The following PDE1A variants were observed in gnomAD, a reference collection of about 807,000 sequenced individuals.
The protein encoded by PDE1A is phosphodiesterase 1A.
In PDE1A, 35 loss-of-function variants were observed where a neutral mutation model predicts 61.7. The observed-to-expected ratio is 0.57, with a 90% CI of 0.43 to 0.75. The LOEUF (loss-of-function observed/expected upper bound fraction) is 0.75. Ranked by LOEUF, PDE1A falls within the 30% of genes least tolerant of loss-of-function variation. The pLI is 0.00. For missense variants in PDE1A, 597 were observed against 630.6 expected, an observed-to-expected ratio of 0.95 and a Z score of 0.57; for synonymous variants, 232 against 213.2, an observed-to-expected ratio of 1.09 and a Z score of -0.77.
intron 1 of PDE1A, among the ~76,000 whole-genome samples, chr2:182,300,315 C>T (rs1482548193): frequency 2.0e-5 from 3 of 152,142 alleles, no homozygotes; most frequent in African/African-American, 7.2e-5. Flanking sequence ...GTTTTTCATA[C>T]CTATGGCTTC....
intron 1 of PDE1A, among the ~76,000 whole-genome samples, chr2:182,287,081 A>G (rs763100183): frequency 1.3e-5 from 2 of 151,892 alleles, no homozygotes; most frequent in Non-Finnish European, 1.5e-5. Context: ...TCTCATTCCA[A>G]TCTCTTCATC....
intron 12 of PDE1A, 46 bp downstream of exon 12, chr2:182,186,422 A>G (rs1685211464): frequency 6.3e-7 from 1 of 1,591,452 alleles, no homozygotes. Context: ...AAGTGTTACT[A>G]AACACCACAA....
chr2:182,604,630 C>T, the PDE1A span, among the ~76,000 whole-genome samples: 17 of 152,232 alleles, frequency 1.1e-4, no homozygotes, highest in South Asian at 2.9e-3. Flanking sequence ...ATAGTCTATA[C>T]GTATTTTATT....
At chr2:182,304,673 G>A (rs147417805) in intron 1 of PDE1A, among the ~76,000 whole-genome samples, 1 of 152,296 alleles carries the variant, frequency 6.6e-6, no homozygotes, top group African/African-American at 2.4e-5. Flanking sequence ...GAAGGCCAAA[G>A]AGAGGGAGAA....
intron 1 of PDE1A, among the ~76,000 whole-genome samples, chr2:182,336,918 A>G (rs1029690451): frequency 6.6e-5 from 10 of 151,238 alleles, no homozygotes; most frequent in Non-Finnish European, 1.5e-4. Flanking sequence ...CATGGCACAC[A>G]TAGACCTAAG....
chr2:182,194,239 A>G (rs1323399444), intron 10 of PDE1A, among the ~76,000 whole-genome samples: 1 of 152,184 alleles, frequency 6.6e-6, no homozygotes, highest in African/African-American at 2.4e-5. Flanking sequence ...TTTAAAATAC[A>G]AACACATTTT....
chr2:182,289,332 A>C (rs1305853824), intron 1 of PDE1A, among the ~76,000 whole-genome samples: 1 of 152,114 alleles, frequency 6.6e-6, no homozygotes, highest in Admixed American at 6.6e-5. Context: ...GATTTCAGGT[A>C]ACATAGCAGA....
chr2:182,309,001 G>T (rs1403112930), intron 1 of PDE1A, among the ~76,000 whole-genome samples: 4 of 149,994 alleles, frequency 2.7e-5, no homozygotes, highest in Admixed American at 6.7e-5. Context: ...TATTAGTAAG[G>T]TTATGAAATA....
chr2:182,271,836 C>T (rs2125819145), intron 1 of PDE1A, among the ~76,000 whole-genome samples: 1 of 152,180 alleles, frequency 6.6e-6, no homozygotes, highest in South Asian at 2.1e-4. Context: ...ACCACTGAAA[C>T]ATTAATATGA....
At chr2:182,637,078 G>C in the PDE1A span, among the ~76,000 whole-genome samples, 2 of 152,202 alleles carry the variant, frequency 1.3e-5, no homozygotes, top group African/African-American at 4.8e-5. Context: ...AGGTCCAGCA[G>C]GACAACCCAG....
chr2:182,654,306 A>G, the PDE1A span, among the ~76,000 whole-genome samples: 2 of 152,208 alleles, frequency 1.3e-5, no homozygotes, highest in Admixed American at 1.3e-4. Flanking sequence ...CTTGGGTCAA[A>G]CAGGTTAATT....
chr2:182,184,423 G>T (rs1227675648), intron 13 of PDE1A, among the ~76,000 whole-genome samples: 1 of 151,892 alleles, frequency 6.6e-6, no homozygotes, highest in Non-Finnish European at 1.5e-5. Context: ...AGAGGCAATA[G>T]AATTACACAT....
intron 2 of PDE1A, among the ~76,000 whole-genome samples, chr2:182,461,334 G>A (rs551883254): frequency 5.3e-5 from 8 of 151,858 alleles, no homozygotes; most frequent in Admixed American, 1.3e-4. Context: ...TGTTTCCATC[G>A]AAAAATTTTA....
rs542273647 is a variant in PDE1A at position 182,513,719 on chromosome 2, C to T, written c.101+8557G>A. Among the ~76,000 whole-genome samples the T allele has an allele frequency of 2.2e-3, 329 of 152,276 alleles. 1 individual carries two copies. Among genetic ancestry groups the T allele is most frequent in the Non-Finnish European group, 3.9e-3 (268 of 68,036 alleles). On this transcript the variant is annotated intron_variant, in intron 2 of 14. Coordinates refer to the PDE1A transcript ENST00000410103. ...AAGAGACTCATCTCACATGTGATGACAACCATAGGCTCAAAGTAAAGGGAT... is the reference window on the plus strand; with the variant it reads ...AAGAGACTCATCTCACATGTGATGATAACCATAGGCTCAAAGTAAAGGGAT...
chr2:182,309,643 A>G (rs1695832272), intron 1 of PDE1A, among the ~76,000 whole-genome samples: 1 of 152,016 alleles, frequency 6.6e-6, no homozygotes, highest in Non-Finnish European at 1.5e-5. Context: ...CAGTAATTTC[A>G]GTCAAAATCA....
the PDE1A span, among the ~76,000 whole-genome samples, chr2:182,687,874 C>A: frequency 6.6e-6 from 1 of 151,916 alleles, no homozygotes; most frequent in South Asian, 2.1e-4. Context: ...AAGAACTATG[C>A]GATGAATGCA....
chr2:182,343,087 CA>C (rs1698302046), intron 1 of PDE1A, among the ~76,000 whole-genome samples: 1 of 152,144 alleles, frequency 6.6e-6, no homozygotes, highest in Non-Finnish European at 1.5e-5. Flanking sequence ...GTCTTATATA[CA>C]AATAGGCCCA....
At chr2:182,231,175 G>T in intron 4 of PDE1A, 44 bp from the exon 5 acceptor site, 1 of 944,382 alleles carries the variant, frequency 1.1e-6, no homozygotes, top group Non-Finnish European at 1.7e-6. Flanking sequence ...ATATCATACT[G>T]TTTCTACGAG....
intron 1 of PDE1A, among the ~76,000 whole-genome samples, chr2:182,301,072 T>C (rs1695211425): frequency 6.6e-6 from 1 of 152,228 alleles, no homozygotes; most frequent in South Asian, 2.1e-4. Context: ...CTAGCAATAT[T>C]ATCCAAGGAC....
Sources: gnomAD v4.1 joint callset for allele counts (sites outside exome capture counted in the v4.1 genomes callset) on GRCh38, gnomAD v4.1.1 for gene constraint, MANE v1.5 for transcripts, NCBI Gene and HGNC (gene_info 2026-07-23, HGNC 2026-07-21) for gene names.